The following EVC variants were observed in gnomAD, a reference collection of about 807,000 sequenced individuals.
EVC encodes evC complex member EVC.
Under a neutral mutation model 118.9 loss-of-function variants are expected in EVC, and 116 were observed. The ratio of observed to expected loss-of-function variants is 0.98; its 90% confidence interval spans 0.84 to 1.14. EVC has a LOEUF of 1.14. Among genes scored for constraint, EVC ranks in the 50% most tolerant of loss-of-function variants. The pLI is 0.00. For synonymous variants in EVC, 619 were observed against 534.7 expected (o/e 1.16, Z -2.18); for missense variants, 1,401 against 1,246.4 (o/e 1.12, Z -1.87).
Position 5,798,132 on chromosome 4 carries a change from C to G in EVC, c.2098-454C>G, listed in dbSNP as rs1295664091. On this transcript the variant is annotated intron_variant, in intron 14 of 20. Transcript: ENST00000264956. This position sits in a 1 kb window ranked among gnomAD's most constrained non-coding sequence, Gnocchi z 4.1. ...CTCACTTCTTTCTCTCTTATTTCTA[C>G]AAATAAAGGCAGTCCTCAGAGCCCT... 2.0e-5 allele frequency among the ~76,000 whole-genome samples: 3 copies of G among 152,190 alleles called. No homozygotes were observed. Among genetic ancestry groups the G allele is most frequent in the Non-Finnish European group, 2.9e-5 (2 of 68,018 alleles).
rs1712367898 is a variant in EVC at position 5,789,571 on chromosome 4, A to G, written c.1777-4037A>G. Among the ~76,000 whole-genome samples, 1 of 152,220 alleles carries G rather than the reference A, an allele frequency of 6.6e-6. No homozygotes were observed. On this transcript the variant is annotated intron_variant, in intron 12 of 20. Transcript: ENST00000264956. This position sits in a 1 kb window ranked among gnomAD's most constrained non-coding sequence, Gnocchi z 4.3. Reference sequence around the variant, plus strand: ...TTTCAGCACATGCTAGGCATCAATCAATAGATCTTTCCCTTTCTCCCCATA... The same window carrying G: ...TTTCAGCACATGCTAGGCATCAATCGATAGATCTTTCCCTTTCTCCCCATA...
At chr4:5,780,996 A>C (rs114245271) in intron 11 of EVC, among the ~76,000 whole-genome samples, 2 of 152,216 alleles carry the variant, frequency 1.3e-5, no homozygotes, top group Non-Finnish European at 2.9e-5. Flanking sequence ...CCAGGAAGCT[A>C]TCTTGAGCTT....
rs1713227936 is a variant in EVC, at chr4:5,793,713, G to A, written c.1882G>A (p.Glu628Lys). The A allele has an allele frequency of 1.3e-6, 2 of 1,548,874 alleles. No homozygotes were observed. The highest frequency in any genetic ancestry group is 1.7e-6 in the Non-Finnish European group (2 of 1,146,038). Residue 628 changes from glutamate to lysine, a missense_variant, in exon 13 of 21, where the codon GAA (glutamate) becomes AAA (lysine). Glu to Lys is a moderately conservative substitution (Grantham distance 56). Transcript: ENST00000264956. ...CTTGGGCCGACTGGGCGGCCTCACT[G>A]AAGAGTGAGTACAGCTCCCTGAAGG... ...GVLGRLGGLT[E>K]ESTRCVLQGH...
In EVC at chr4:5,729,172, G is replaced by C. The variant is rs906768883; in HGVS notation, c.301-135G>C. 3 of 783,830 alleles carry C rather than the reference G, an allele frequency of 3.8e-6. No individual in the cohort carries two copies. In the African/African-American group the frequency reaches 5.1e-5, roughly 13 times the overall value. 48.6% of individuals were successfully genotyped at this position (783,830 alleles called of 1,614,324 possible). ...CCTTCTGGCAAGGAAGAGCTAATAT[G>C]AATCTAAATGTGCCTATCATGGTCC... On this transcript the variant is annotated intron_variant, in intron 2 of 20. Transcript: ENST00000264956.
chr4:5,714,090 C>G (rs1205513678), intron 1 of EVC, among the ~76,000 whole-genome samples: 1 of 152,162 alleles, frequency 6.6e-6, no homozygotes, highest in Non-Finnish European at 1.5e-5. Flanking sequence ...CTGTTCTCTC[C>G]GCCTGCGCGG....
At chr4:5,729,503 A>G (rs1354162787) in intron 3 of EVC, 113 bp downstream of exon 3, 1 of 1,039,216 alleles carries the variant, frequency 9.6e-7, no homozygotes, top group Non-Finnish European at 1.5e-6. Flanking sequence ...TGAGGGTTTT[A>G]TGGCAAGTCA....
chr4:5,824,917 C>A, the EVC span: 11 of 985,278 alleles, frequency 1.1e-5, no homozygotes, highest in Admixed American at 6.8e-4. Context: ...GGGATCAGGT[C>A]AACATCTAAT....
downstream of EVC, among the ~76,000 whole-genome samples, chr4:5,818,538 C>G (rs1370881290): frequency 6.1e-4 from 93 of 152,182 alleles, no homozygotes; most frequent in Non-Finnish European, 1.6e-4. Context: ...CATGAGGGCT[C>G]TCCCTTCATG....
chr4:5,734,753 A>G (rs1304542360), intron 5 of EVC, among the ~76,000 whole-genome samples: 3 of 152,210 alleles, frequency 2.0e-5, no homozygotes, highest in Admixed American at 6.5e-5. Flanking sequence ...ACGGGTGCCA[A>G]TGTTTGAAAC....
At chr4:5,760,951 G>A (rs1731915268) in intron 11 of EVC, among the ~76,000 whole-genome samples, 1 of 152,234 alleles carries the variant, frequency 6.6e-6, no homozygotes, top group Admixed American at 6.5e-5. Flanking sequence ...GTTCCAGGTC[G>A]CCTGGCATAT....
At chr4:5,763,003 C>G in intron 11 of EVC, among the ~76,000 whole-genome samples, 1 of 104,072 alleles carries the variant, frequency 9.6e-6, no homozygotes, top group Non-Finnish European at 2.0e-5. Flanking sequence ...ATGGTAATGC[C>G]TAGGTTTTCT....
Position 5,728,499 on chromosome 4 carries a change from T to A in EVC, c.301-808T>A, listed in dbSNP as rs577853774. Among the ~76,000 whole-genome samples the A allele has an allele frequency of 2.3e-4, 35 of 152,238 alleles. No individual in the cohort carries two copies. In the East Asian group the frequency reaches 6.6e-3, roughly 29 times the overall value. ...CTGAGACAATGGGGTTTTCTAGATA[T>A]ACAATCATGTCGTCTGCAAACAGGG... On this transcript the variant is annotated intron_variant, in intron 2 of 20. Transcript: ENST00000264956.
rs892172993 is a variant in EVC, at chr4:5,795,243, C to T, written c.1886+1526C>T. Among the ~76,000 whole-genome samples the T allele has an allele frequency of 2.6e-5, 4 of 152,160 alleles. No homozygotes were observed. The South Asian group carries it at 8.3e-4, about 32-fold the overall frequency. The stretch of plus-strand genomic sequence containing the variant: ...AATTTATTTTCAATTTATTTTCTTT[C>T]AGGTATCAATATAACTATTTTTTAG... On this transcript the variant is annotated intron_variant, in intron 13 of 20. Coordinates refer to ENST00000264956, the MANE Select transcript of EVC (RefSeq NM_153717.3).
At chr4:5,765,744 T>G (rs1732767043) in intron 11 of EVC, among the ~76,000 whole-genome samples, 1 of 147,160 alleles carries the variant, frequency 6.8e-6, no homozygotes, top group African/African-American at 2.5e-5. Context: ...TTTTTTGTTT[T>G]CCATTTGCTT....
chr4:5,745,153 G>A lies in EVC; in HGVS notation c.802-51G>A, dbSNP rs553620673. On this transcript the variant is annotated intron_variant, in intron 6 of 20. Transcript: ENST00000264956. ...TTTATTTTTCTAGAATTTAAGACACGCTAAACTTTTTCTTTGTTTATTTGC... is the reference window on the plus strand; with the variant it reads ...TTTATTTTTCTAGAATTTAAGACACACTAAACTTTTTCTTTGTTTATTTGC... 127 of 1,571,904 alleles carry A rather than the reference G, an allele frequency of 8.1e-5. 2 individuals are homozygous for A. In the South Asian group the frequency reaches 1.3e-3, roughly 17 times the overall value.
Position 5,742,490 on chromosome 4 carries a change from C to G in EVC, c.801+676C>G, listed in dbSNP as rs145280084. ...CACCACCACTATTACTATCACAGTT[C>G]TCTTCTTCATCATGTCATTGTTGTC... On this transcript the variant is annotated intron_variant, in intron 6 of 20. Transcript: ENST00000264956. This position sits in a 1 kb window ranked among gnomAD's most constrained non-coding sequence, Gnocchi z 5.2. Among the ~76,000 whole-genome samples the G allele has an allele frequency of 1.9e-3, 287 of 152,052 alleles. No homozygotes were observed. Among genetic ancestry groups the G allele is most frequent in the African/African-American group, 6.2e-3 (256 of 41,478 alleles).
At chr4:5,785,787 A>G (rs1019177582) in intron 12 of EVC, among the ~76,000 whole-genome samples, 2 of 152,228 alleles carry the variant, frequency 1.3e-5, no homozygotes, top group Non-Finnish European at 2.9e-5. Flanking sequence ...AGCTTTGGAA[A>G]TGATTACAGT....
chr4:5,797,582 T>G (rs1447777950), intron 14 of EVC, among the ~76,000 whole-genome samples: 1 of 152,200 alleles, frequency 6.6e-6, no homozygotes, highest in Non-Finnish European at 1.5e-5. Context: ...CCAGGCATAT[T>G]GGATCAAGGC....
intron 2 of EVC, among the ~76,000 whole-genome samples, chr4:5,726,370 C>T (rs1175218289): frequency 6.6e-6 from 1 of 152,132 alleles, no homozygotes; most frequent in East Asian, 1.9e-4. Context: ...TCAGCACTGA[C>T]TTTACAAAGT....
Sources: gnomAD v4.1 joint callset for allele counts (sites outside exome capture counted in the v4.1 genomes callset) on GRCh38, gnomAD v4.1.1 for gene constraint, Gnocchi (gnomAD v3.1) non-coding constraint, MANE v1.5 for transcripts, NCBI Gene and HGNC (gene_info 2026-07-23, HGNC 2026-07-21) for gene names.